CTNNA1: variants seen among roughly 807,000 people sequenced by gnomAD.
The protein encoded by CTNNA1 is catenin alpha-1.
Under a neutral mutation model 98.4 loss-of-function variants are expected in CTNNA1, and 37 were observed. That is an observed-to-expected ratio of 0.38 (90% CI 0.29 to 0.49). The LOEUF is 0.49. Among genes scored for constraint, CTNNA1 ranks in the 20% least tolerant of loss-of-function variants. The pLI is 0.95. For missense variants in CTNNA1, 761 were observed against 1,147.2 expected, an observed-to-expected ratio of 0.66 and a Z score of 4.86; for synonymous variants, 404 against 413.2, an observed-to-expected ratio of 0.98 and a Z score of 0.27.
intron 7 of CTNNA1, among the ~76,000 whole-genome samples, chr5:138,854,748 C>A (rs1181726904): frequency 1.3e-5 from 2 of 152,168 alleles, no homozygotes; most frequent in East Asian, 3.8e-4. Context: ...TCCCCTTATT[C>A]TCTGTAGACA....
intron 3 of CTNNA1, among the ~76,000 whole-genome samples, chr5:138,784,334 C>T (rs533974410): frequency 6.6e-6 from 1 of 152,294 alleles, no homozygotes; most frequent in African/African-American, 2.4e-5. Context: ...TTTACTAACC[C>T]TTGGGAGAAC....
At chr5:138,923,158 C>T (rs1220584361) in intron 11 of CTNNA1, among the ~76,000 whole-genome samples, 1 of 152,104 alleles carries the variant, frequency 6.6e-6, no homozygotes, top group Non-Finnish European at 1.5e-5. Flanking sequence ...TTCATCTTAA[C>T]GGTATTGTGT....
intron 13 of CTNNA1, among the ~76,000 whole-genome samples, chr5:138,926,672 C>T (rs575190230): frequency 6.6e-6 from 1 of 152,290 alleles, no homozygotes; most frequent in South Asian, 2.1e-4. Context: ...GCTTCTTCAC[C>T]CCCTGCCTCC....
chr5:138,850,394 T>G (rs1763083562), intron 7 of CTNNA1, among the ~76,000 whole-genome samples: 1 of 152,218 alleles, frequency 6.6e-6, no homozygotes, highest in African/African-American at 2.4e-5. Context: ...CATGTTTGAA[T>G]TGTTTTTCAA....
intron 1 of CTNNA1, among the ~76,000 whole-genome samples, chr5:138,776,691 C>T: frequency 6.7e-6 from 1 of 150,198 alleles, no homozygotes; most frequent in Non-Finnish European, 1.5e-5. Context: ...CCCCACCTCC[C>T]TCCCGGACGG....
At chr5:138,932,831 C>CCAAGT in intron 17 of CTNNA1, 119 bp downstream of exon 17, 1 of 1,284,168 alleles carries the variant, frequency 7.8e-7, no homozygotes. Context: ...TGCAGAAACT[C>CCAAGT]CAAGTCCTGT....
intron 6 of CTNNA1, among the ~76,000 whole-genome samples, chr5:138,825,539 AAAAAC>A (rs1760623994): frequency 7.6e-6 from 1 of 132,436 alleles, no homozygotes; most frequent in Non-Finnish European, 1.5e-5. Context: ...TAAAAAAAAA[AAAAAC>A]AAACCAAAAA....
intron 7 of CTNNA1, among the ~76,000 whole-genome samples, chr5:138,868,389 G>C (rs1765000673): frequency 6.6e-6 from 1 of 152,204 alleles, no homozygotes; most frequent in Admixed American, 6.5e-5. Flanking sequence ...GGGTGGAGGA[G>C]GTCATGTAGG....
chr5:138,798,648 G>A (rs988958631), intron 3 of CTNNA1, among the ~76,000 whole-genome samples: 1 of 151,912 alleles, frequency 6.6e-6, no homozygotes, highest in Non-Finnish European at 1.5e-5. Flanking sequence ...GGGTTTTTTT[G>A]TTTGTTTGTT....
At chr5:138,920,540 G>A (rs1366633724) in intron 11 of CTNNA1, among the ~76,000 whole-genome samples, 3 of 152,234 alleles carry the variant, frequency 2.0e-5, no homozygotes, top group Admixed American at 1.3e-4. Context: ...TCTGGCTTTT[G>A]AGGTAGGTGG....
chr5:138,810,175 G>A lies in CTNNA1; in HGVS notation c.439G>A (p.Val147Ile), dbSNP rs1758530800. Residue 147 changes from valine to isoleucine, a missense_variant, in exon 4 of 18, where the codon GTC (valine) becomes ATC (isoleucine). This residue lies in a region of CTNNA1 where 328 missense variants were observed against 354.3 expected (regional missense o/e 0.93). Coordinates refer to ENST00000302763, the MANE Select transcript of CTNNA1 (RefSeq NM_001903.5). ...RLLILADMADVYKLLVQLKVV... is the reference protein window; with the variant it reads ...RLLILADMADIYKLLVQLKVV... Reference sequence around the variant, plus strand: ...GCTGATTTTGGCTGACATGGCAGATGTCTACAAATTACTTGTTCAGCTGAA... The same window carrying A: ...GCTGATTTTGGCTGACATGGCAGATATCTACAAATTACTTGTTCAGCTGAA... 2 of 1,614,174 alleles carry A rather than the reference G, an allele frequency of 1.2e-6. No individual in the cohort carries two copies. The highest frequency in any genetic ancestry group is 1.1e-5 in the South Asian group (1 of 91,090).
At chr5:138,830,179 A>C (rs572538263) in intron 7 of CTNNA1, among the ~76,000 whole-genome samples, 30 of 115,438 alleles carry the variant, frequency 2.6e-4, no homozygotes, top group Admixed American at 1.9e-3. Flanking sequence ...AAAAAAAAAA[A>C]CCCAAAAAAT....
chr5:138,930,580 C>G lies in CTNNA1; in HGVS notation c.2118C>G (p.Asp706Glu), dbSNP rs567388162. ...TGGATGCTGAAGTGTCCAAATGGGA[C>G]GACAGTGGCAATGACATCATTGTGC... Reference protein sequence around the residue: ...SKLDAEVSKWDDSGNDIIVLA... With the variant: ...SKLDAEVSKWEDSGNDIIVLA... The change falls in exon 15 of 18, where the codon GAC becomes GAG. Residue 706 changes from aspartate (D) to glutamate (E), a missense_variant. Transcript: ENST00000302763. 1 of 1,613,896 alleles carries G rather than the reference C, an allele frequency of 6.2e-7. No individual in the cohort carries two copies. The highest frequency in any genetic ancestry group is 8.5e-7 in the Non-Finnish European group (1 of 1,179,924).
intron 9 of CTNNA1, among the ~76,000 whole-genome samples, chr5:138,890,244 G>T (rs1406903950): frequency 6.6e-6 from 1 of 152,170 alleles, no homozygotes; most frequent in Non-Finnish European, 1.5e-5. Context: ...TCTGCCAGAT[G>T]TGTTTGGGTT....
chr5:138,893,978 C>T (rs1029533411), intron 9 of CTNNA1, among the ~76,000 whole-genome samples: 8 of 152,106 alleles, frequency 5.3e-5, no homozygotes, highest in African/African-American at 1.9e-4. Flanking sequence ...AGTGCAGTGG[C>T]ATGATCTCTG....
intron 5 of CTNNA1, among the ~76,000 whole-genome samples, chr5:138,818,548 G>A (rs554098441): frequency 5.3e-5 from 8 of 152,144 alleles, no homozygotes; most frequent in African/African-American, 1.9e-4. Flanking sequence ...GTGCTGGTTA[G>A]GGAGTGTGTG....
intron 17 of CTNNA1, 190 bp downstream of exon 17, chr5:138,932,902 C>T (rs747180959): frequency 2.4e-5 from 20 of 818,996 alleles, no homozygotes; most frequent in Non-Finnish European, 3.9e-5. Flanking sequence ...GTGACACCTG[C>T]GGGGCACTGC....
chr5:138,870,205 C>G (rs1239794387), intron 7 of CTNNA1: 2 of 152,220 alleles, frequency 1.3e-5, no homozygotes, highest in Non-Finnish European at 2.9e-5. Flanking sequence ...TGCTGTGATG[C>G]TGTTCCGTTC....
intron 7 of CTNNA1, among the ~76,000 whole-genome samples, chr5:138,879,869 A>G (rs962289260): frequency 1.3e-5 from 2 of 152,208 alleles, no homozygotes; most frequent in Non-Finnish European, 2.9e-5. Flanking sequence ...CTTTGGATGC[A>G]CCTTACACAT....
Sources: gnomAD v4.1 joint callset for allele counts (sites outside exome capture counted in the v4.1 genomes callset) on GRCh38, gnomAD v4.1.1 for gene constraint, gnomAD v4.1.1 regional missense constraint, MANE v1.5 for transcripts, NCBI Gene and HGNC (gene_info 2026-07-23, HGNC 2026-07-21) for gene names.